The following MICU2 variants were observed in gnomAD, a reference collection of about 807,000 sequenced individuals.
MICU2 encodes the protein mitochondrial calcium uptake 2, also known as calcium uptake protein 2, mitochondrial.
In MICU2, 64 loss-of-function variants were observed where a neutral mutation model predicts 60.4. The ratio of observed to expected loss-of-function variants is 1.06; its 90% CI spans 0.87 to 1.31. The LOEUF is 1.31. Ranked by LOEUF, MICU2 falls within the 50% of genes most tolerant of loss-of-function variation. MICU2 has a pLI of 0.00. For synonymous variants in MICU2, 201 were observed against 175.0 expected (o/e 1.15, Z -1.17); for missense variants, 569 against 531.0 (o/e 1.07, Z -0.70).
intron 8 of MICU2, among the ~76,000 whole-genome samples, chr13:21,507,225 T>A (rs966441109): frequency 2.0e-5 from 3 of 152,142 alleles, no homozygotes; most frequent in Admixed American, 6.5e-5. Flanking sequence ...AGAACTAATT[T>A]AAAAAAATTT....
intron 9 of MICU2, 135 bp downstream of exon 9, chr13:21,502,791 G>C (rs3843680): frequency 0.24 from 183,921 of 772,356 alleles, 27,042 homozygotes; most frequent in East Asian, 0.62. Context: ...AGAGCATGTA[G>C]AGAACATTCC....
At position 21,604,133 on chromosome 13, in the gene MICU2, C is replaced by T. The variant is rs776941228; in HGVS notation, c.16G>A (p.Gly6Ser). The T allele has an allele frequency of 6.4e-7, 1 of 1,561,116 alleles. No individual in the cohort carries two copies. The highest frequency in any genetic ancestry group is 8.6e-7 in the Non-Finnish European group (1 of 1,156,170). The change falls in exon 1 of 12, where the codon GGT becomes AGT. Residue 6 changes from glycine to serine, a missense_variant. Gly to Ser is a moderately conservative substitution (Grantham distance 56). Transcript: ENST00000382374. ...CAGGCCGCCACCCGCGCGCAGCTAC[C>T]CGCAGCCGCCGCCATCTTTGCGGAA... is the stretch of plus-strand genomic sequence containing the variant. MAAAA[G>S]SCARVAAWGG...
chr13:21,554,036 T>C (rs2138022959), intron 2 of MICU2, among the ~76,000 whole-genome samples: 1 of 152,194 alleles, frequency 6.6e-6, no homozygotes, highest in African/African-American at 2.4e-5. Context: ...ATAAAGCAAG[T>C]CCTTAGTGAC....
At chr13:21,536,469 A>G (rs1887133916) in intron 4 of MICU2, among the ~76,000 whole-genome samples, 1 of 152,102 alleles carries the variant, frequency 6.6e-6, no homozygotes, top group African/African-American at 2.4e-5. Flanking sequence ...CTGGGACTAC[A>G]GGTGTGCATC....
At chr13:21,545,646 A>G (rs1031527116) in intron 2 of MICU2, among the ~76,000 whole-genome samples, 1 of 151,394 alleles carries the variant, frequency 6.6e-6, no homozygotes, top group South Asian at 2.1e-4. Flanking sequence ...ACACCACTGC[A>G]CTCCAGCAAG....
chr13:21,509,883 C>G (rs1024724073), intron 8 of MICU2, 121 bp downstream of exon 8: 1 of 541,990 alleles, frequency 1.8e-6, no homozygotes, highest in South Asian at 2.9e-5. Flanking sequence ...CACAGATCCA[C>G]AAAATCCACA....
chr13:21,498,897 A>G (rs2759374), intron 9 of MICU2, among the ~76,000 whole-genome samples: 148,341 of 152,204 alleles, frequency 0.97, 72,389 homozygotes, highest in Middle Eastern at 1. Context: ...TAGGCACTGG[A>G]TGCAACTTTT....
At chr13:21,601,910 C>G (rs1006185593) in intron 1 of MICU2, among the ~76,000 whole-genome samples, 2 of 151,330 alleles carry the variant, frequency 1.3e-5, no homozygotes, top group African/African-American at 4.9e-5. Flanking sequence ...TCGAGACCAT[C>G]CTGGCCAACA....
intron 1 of MICU2, among the ~76,000 whole-genome samples, chr13:21,596,510 G>A (rs2003941): frequency 0.14 from 21,337 of 151,258 alleles, 1,695 homozygotes; most frequent in Middle Eastern, 0.23. Context: ...TGCAACCTCC[G>A]CCTCCGGGGT....
At chr13:21,600,921 C>A (rs1478929023) in intron 1 of MICU2, among the ~76,000 whole-genome samples, 1 of 151,880 alleles carries the variant, frequency 6.6e-6, no homozygotes, top group Non-Finnish European at 1.5e-5. Flanking sequence ...CTCAGGCCCC[C>A]GAGTGGCTGG....
intron 6 of MICU2, among the ~76,000 whole-genome samples, chr13:21,517,807 G>GCGCA (rs1886616883): frequency 6.7e-6 from 1 of 149,892 alleles, no homozygotes; most frequent in Admixed American, 6.6e-5. Context: ...ACACGCGCGC[G>GCGCA]CGCGCGCACA....
chr13:21,584,057 G>A lies in MICU2; in HGVS notation c.211-17113C>T, dbSNP rs751578249. The stretch of plus-strand genomic sequence containing the variant: ...GGAACAGTTTGTAGAAACACATTGT[G>A]CTTTCATATTTAAGGGTTCATTTTG... On this transcript the variant is annotated intron_variant, in intron 1 of 11. Coordinates refer to ENST00000382374, the MANE Select transcript of MICU2 (RefSeq NM_152726.3). Among the ~76,000 whole-genome samples the A allele has an allele frequency of 4.7e-4, 72 of 152,256 alleles. 1 individual carries two copies. The highest frequency in any genetic ancestry group is 2.3e-3 in the South Asian group (11 of 4,820).
chr13:21,525,019 C>T (rs1886813164), intron 4 of MICU2, among the ~76,000 whole-genome samples: 1 of 152,050 alleles, frequency 6.6e-6, no homozygotes, highest in Non-Finnish European at 1.5e-5. Flanking sequence ...ATCCACTCAC[C>T]TGCTGATGGA....
chr13:21,544,516 G>GAAAAAA (rs10628955), intron 2 of MICU2, among the ~76,000 whole-genome samples: 7 of 77,386 alleles, frequency 9.0e-5, no homozygotes, highest in Admixed American at 1.5e-4. Context: ...ATAAACACAT[G>GAAAAAA]AAAAAAAAAA....
chr13:21,516,720 A>G (rs1886579159), intron 6 of MICU2, among the ~76,000 whole-genome samples: 1 of 152,204 alleles, frequency 6.6e-6, no homozygotes, highest in African/African-American at 2.4e-5. Flanking sequence ...GTGTAGTAGT[A>G]TGTCATTGTG....
Position 21,566,831 on chromosome 13 carries a change from G to C in MICU2, c.324C>G (p.Asp108Glu). The C allele has an allele frequency of 1.2e-6, 2 of 1,606,546 alleles. No individual in the cohort carries two copies. The highest frequency in any genetic ancestry group is 1.7e-6 in the Non-Finnish European group (2 of 1,176,856). Residue 108 changes from aspartate to glutamate, a missense_variant, in exon 2 of 12, where the codon GAC becomes GAG. Physicochemically the swap from Asp to Glu is conservative, Grantham distance 45. Transcript: ENST00000382374. The stretch of plus-strand genomic sequence containing the variant: ...GCTCAAACATCACTGAGAAGAGGAA[G>C]TCTCGTGGTGTCATATAATATTCTC... Reference protein sequence around the residue: ...HEGEYYMTPRDFLFSVMFEQM... With the variant: ...HEGEYYMTPREFLFSVMFEQM...
In MICU2 at chr13:21,495,223, C is replaced by A. The variant is rs747061869; in HGVS notation, c.1138G>T (p.Glu380Ter). 1 of 1,613,540 alleles carries A rather than the reference C, an allele frequency of 6.2e-7. No homozygotes were observed. Residue 380 changes from glutamate to a stop codon, truncating the protein, a stop_gained, in exon 11 of 12, where the codon GAA becomes TAA. Coordinates refer to ENST00000382374, the MANE Select transcript of MICU2 (RefSeq NM_152726.3). LOFTEE classifies it high-confidence loss of function. ...AGAAACTCTTCATGACTAAGACATT[C>A]ATCACCATCCAAATCAAAGATCTTA... ...VFKIFDLDGDECLSHEEFLGV... is the reference protein window; with the variant it reads ...VFKIFDLDGD
intron 2 of MICU2, among the ~76,000 whole-genome samples, chr13:21,555,324 G>A (rs959872088): frequency 2.0e-5 from 3 of 152,138 alleles, no homozygotes; most frequent in African/African-American, 7.2e-5. Context: ...TATCCACCAT[G>A]ATCAAGTGGG....
chr13:21,603,853 C>T (rs1401729576), intron 1 of MICU2, 86 bp downstream of exon 1: 13 of 1,448,246 alleles, frequency 9.0e-6, no homozygotes, highest in Admixed American at 6.4e-5. Context: ...CCGGGAGAGC[C>T]GCCCAGAGCC....
Sources: gnomAD v4.1 joint callset for allele counts (sites outside exome capture counted in the v4.1 genomes callset) on GRCh38, gnomAD v4.1.1 for gene constraint, MANE v1.5 for transcripts, NCBI Gene and HGNC (gene_info 2026-07-23, HGNC 2026-07-21) for gene names.